The following RAB6B variants were observed in gnomAD, a reference collection of about 807,000 sequenced individuals.
RAB6B encodes the protein RAB6B, member RAS oncogene family, also known as ras-related protein Rab-6B.
RAB6B carries 7 observed loss-of-function variants against 31.2 expected under a neutral mutation model. That is an observed-to-expected ratio of 0.22 (90% CI 0.13 to 0.42). The LOEUF is 0.42. Among genes scored for constraint, RAB6B ranks in the 10% least tolerant of loss-of-function variants. The pLI, the probability that RAB6B is intolerant of heterozygous loss-of-function variation, is 1.00. For missense variants in RAB6B, 149 were observed against 280.6 expected (o/e 0.53, Z 3.35); for synonymous variants, 105 against 104.9 (o/e 1.00, Z -0.01).
At position 133,888,196 on chromosome 3, in the gene RAB6B, G is replaced by A. The variant is rs1936579630; in HGVS notation, c.70+7201C>T. On this transcript the variant is annotated intron_variant, in intron 1 of 7. Transcript: ENST00000285208. ...GTGTTTCTCACAGTGACCTGGGTCTGAATTCTAATTCTGCCACACTCACAG... is the reference window on the plus strand; with the variant it reads ...GTGTTTCTCACAGTGACCTGGGTCTAAATTCTAATTCTGCCACACTCACAG... Among the ~76,000 whole-genome samples, 3 of 152,236 alleles carry A rather than the reference G, an allele frequency of 2.0e-5. 1 individual carries two copies. The South Asian group carries it at 6.2e-4, about 32-fold the overall frequency.
intron 1 of RAB6B, among the ~76,000 whole-genome samples, chr3:133,870,472 G>C (rs148588696): frequency 7.2e-5 from 11 of 152,310 alleles, no homozygotes; most frequent in African/African-American, 2.6e-4. Flanking sequence ...GGATCTCAGT[G>C]AACAATGCAG....
At chr3:133,834,697 C>G in intron 6 of RAB6B, 56 bp from the exon 7 acceptor site, 1 of 1,487,884 alleles carries the variant, frequency 6.7e-7, no homozygotes, top group Non-Finnish European at 9.4e-7. Context: ...CCCTCTGCTC[C>G]TCACTGCACC....
intron 1 of RAB6B, among the ~76,000 whole-genome samples, chr3:133,876,698 A>C (rs1185219536): frequency 6.6e-6 from 1 of 152,220 alleles, no homozygotes; most frequent in Non-Finnish European, 1.5e-5. Flanking sequence ...AATTGCCAAT[A>C]TTGAGCTTTT....
At chr3:133,834,137 G>A (rs953473642) in intron 7 of RAB6B, among the ~76,000 whole-genome samples, 10 of 152,090 alleles carry the variant, frequency 6.6e-5, no homozygotes, top group African/African-American at 9.7e-5. Context: ...GAGAAGGTGG[G>A]CGGGACAAGG....
chr3:133,869,831 A>T (rs1047397388), intron 1 of RAB6B, among the ~76,000 whole-genome samples: 7 of 152,200 alleles, frequency 4.6e-5, no homozygotes, highest in Non-Finnish European at 7.4e-5. Flanking sequence ...CCTGTGAGTG[A>T]GCGAGCCTTC....
At chr3:133,878,941 G>C (rs190596648) in intron 1 of RAB6B, among the ~76,000 whole-genome samples, 136 of 152,332 alleles carry the variant, frequency 8.9e-4, no homozygotes, top group African/African-American at 3.1e-3. Flanking sequence ...GGCAGAAGGA[G>C]CAGGATACCC....
chr3:133,889,377 A>C (rs1476835553), intron 1 of RAB6B, among the ~76,000 whole-genome samples: 2 of 105,084 alleles, frequency 1.9e-5, no homozygotes, highest in Non-Finnish European at 2.0e-5. Context: ...AAGGACAATA[A>C]GGTTATTTTG....
intron 1 of RAB6B, among the ~76,000 whole-genome samples, chr3:133,876,204 T>G (rs898189537): frequency 1.3e-5 from 2 of 152,180 alleles, no homozygotes; most frequent in Admixed American, 6.5e-5. Context: ...CAGATTCAAC[T>G]GACATGAATC....
At chr3:133,833,628 T>A (rs1186532490) in intron 7 of RAB6B, among the ~76,000 whole-genome samples, 1 of 152,194 alleles carries the variant, frequency 6.6e-6, no homozygotes, top group Non-Finnish European at 1.5e-5. Context: ...TTGATTCTCA[T>A]CAGCCCAAAG....
At chr3:133,870,339 T>C (rs1936300649) in intron 1 of RAB6B, among the ~76,000 whole-genome samples, 1 of 152,142 alleles carries the variant, frequency 6.6e-6, no homozygotes, top group South Asian at 2.1e-4. Context: ...CTCCACCTGG[T>C]CCTGTCCTTG....
chr3:133,871,039 G>A (rs1387636362), intron 1 of RAB6B, among the ~76,000 whole-genome samples: 2 of 152,224 alleles, frequency 1.3e-5, no homozygotes, highest in African/African-American at 2.4e-5. Context: ...TCACTGGCAG[G>A]TCCCAGGTAA....
chr3:133,876,279 T>C (rs1248489304), intron 1 of RAB6B, among the ~76,000 whole-genome samples: 8 of 152,140 alleles, frequency 5.3e-5, no homozygotes, highest in Non-Finnish European at 1.2e-4. Flanking sequence ...CATTTCAACA[T>C]TGGCACCTGC....
intron 4 of RAB6B, among the ~76,000 whole-genome samples, chr3:133,840,952 G>C: frequency 6.6e-6 from 1 of 152,172 alleles, no homozygotes; most frequent in East Asian, 1.9e-4. Context: ...CTTTCTGACA[G>C]CCAGGGAGAG....
At chr3:133,855,600 G>T (rs562766035) in intron 2 of RAB6B, among the ~76,000 whole-genome samples, 1 of 152,180 alleles carries the variant, frequency 6.6e-6, no homozygotes, top group Non-Finnish European at 1.5e-5. Flanking sequence ...CTCCCAAAGG[G>T]TGACAAATGG....
At chr3:133,832,692 A>G (rs536342107) in intron 7 of RAB6B, among the ~76,000 whole-genome samples, 1 of 152,306 alleles carries the variant, frequency 6.6e-6, no homozygotes, top group African/African-American at 2.4e-5. Context: ...CTGCCTCGTG[A>G]GAGGCCCAGC....
chr3:133,841,393 G>A lies in RAB6B; in HGVS notation c.184-3C>T, dbSNP rs745665417. On this transcript the variant is annotated splice_polypyrimidine_tract_variant and splice_region_variant and intron_variant, in intron 3 of 7. Transcript: ENST00000285208. Reference sequence around the variant, plus strand: ...GTGTCCCAGAGCTGCAGTCGCACCTGTCTCAGGGAGGGCAGGACCATGGGC... The same window carrying A: ...GTGTCCCAGAGCTGCAGTCGCACCTATCTCAGGGAGGGCAGGACCATGGGC... 1 of 1,614,032 alleles carries A rather than the reference G, an allele frequency of 6.2e-7. No individual in the cohort carries two copies. The highest frequency in any genetic ancestry group is 8.5e-7 in the Non-Finnish European group (1 of 1,179,960).
chr3:133,868,843 T>C (rs1316258131), intron 1 of RAB6B, among the ~76,000 whole-genome samples: 1 of 152,178 alleles, frequency 6.6e-6, no homozygotes. Flanking sequence ...AATTTGGCAC[T>C]TTATTTAGGT....
intron 1 of RAB6B, among the ~76,000 whole-genome samples, chr3:133,893,995 A>T (rs1936671969): frequency 6.6e-6 from 1 of 152,210 alleles, no homozygotes; most frequent in Admixed American, 6.5e-5. Context: ...CTGGGCCTGG[A>T]CACTACCTTC....
At position 133,839,480 on chromosome 3, in the gene RAB6B, CTGCACCTGTGTGCCCT is replaced by C. The variant is rs759662273; in HGVS notation, c.401+10_401+25del. 8 of 1,576,630 alleles carry C rather than the reference CTGCACCTGTGTGCCCT, an allele frequency of 5.1e-6. No homozygotes were observed. In the South Asian group the frequency reaches 7.8e-5, roughly 15 times the overall value. On this transcript the variant is annotated intron_variant, in intron 5 of 7. Coordinates refer to ENST00000285208, the MANE Select transcript of RAB6B (RefSeq NM_016577.4). The stretch of plus-strand genomic sequence containing the variant: ...TTACAGAGGAGTGGAGGGTGGCACC[CTGCACCTGTGTGCCCT>C]TGCACCTACCTCTTATCAGCCAGGT...
Sources: allele counts gnomAD v4.1 joint callset (sites outside exome capture counted in the v4.1 genomes callset), GRCh38; gene constraint gnomAD v4.1.1; transcripts MANE v1.5; gene names NCBI Gene and HGNC (gene_info 2026-07-23, HGNC 2026-07-21).